Variants in EFNA5 observed in about 807,000 individuals in gnomAD.
EFNA5 encodes ephrin A5, also known as ephrin-A5.
EFNA5 carries 5 observed loss-of-function variants against 22.9 expected under a neutral mutation model. The observed-to-expected ratio is 0.22, with a 90% CI of 0.11 to 0.46. The LOEUF is 0.46. Among genes scored for constraint, EFNA5 ranks in the 20% least tolerant of loss-of-function variants. The pLI, the probability that EFNA5 is intolerant of heterozygous loss-of-function variation, is 0.99. For synonymous variants in EFNA5, 113 were observed against 112.2 expected, an observed-to-expected ratio of 1.01 and a Z score of -0.04; for missense variants, 237 against 293.3, an observed-to-expected ratio of 0.81 and a Z score of 1.40.
At chr5:107,501,851 A>C (rs26250) in intron 1 of EFNA5, among the ~76,000 whole-genome samples, 35,697 of 152,138 alleles carry the variant, frequency 0.23, 4,491 homozygotes, top group East Asian at 0.43. Context: ...AACGGCCATA[A>C]GGTCAAAATA....
chr5:107,451,152 G>C (rs1749549614), intron 1 of EFNA5, among the ~76,000 whole-genome samples: 1 of 152,204 alleles, frequency 6.6e-6, no homozygotes, highest in African/African-American at 2.4e-5. Context: ...AATCCCCTTT[G>C]ATCTCCACAG....
chr5:107,387,625 A>AT, intron 3 of EFNA5, 81 bp downstream of exon 3: 2 of 964,962 alleles, frequency 2.1e-6, no homozygotes, highest in South Asian at 1.5e-5. Flanking sequence ...AGTAAAAAAA[A>AT]GTTTTACCGC....
chr5:107,497,144 C>T (rs181900324), intron 1 of EFNA5, among the ~76,000 whole-genome samples: 39 of 152,302 alleles, frequency 2.6e-4, no homozygotes, highest in African/African-American at 8.2e-4. Context: ...AAGCATTAGT[C>T]GGCTTTGCTT....
intron 1 of EFNA5, among the ~76,000 whole-genome samples, chr5:107,479,853 C>T (rs921701264): frequency 6.6e-6 from 1 of 152,128 alleles, no homozygotes; most frequent in Non-Finnish European, 1.5e-5. Context: ...GGCTCCAGAG[C>T]TCATGGTCTT....
chr5:107,618,743 A>T (rs2112526835), intron 1 of EFNA5, among the ~76,000 whole-genome samples: 1 of 152,360 alleles, frequency 6.6e-6, no homozygotes, highest in Non-Finnish European at 1.5e-5. Context: ...ACATGTTATA[A>T]AATGCCTGAC....
intron 1 of EFNA5, among the ~76,000 whole-genome samples, chr5:107,569,537 A>G (rs1561435882): frequency 7.7e-6 from 1 of 130,608 alleles, no homozygotes; most frequent in African/African-American, 2.9e-5. Context: ...ATATTTATAT[A>G]TATATGTGTG....
intron 1 of EFNA5, among the ~76,000 whole-genome samples, chr5:107,658,186 G>A (rs1366004320): frequency 6.6e-6 from 1 of 152,186 alleles, no homozygotes; most frequent in African/African-American, 2.4e-5. Flanking sequence ...TTATGTTAAT[G>A]TAAAAAGAAC....
At chr5:107,409,792 C>A (rs1748313003) in intron 2 of EFNA5, among the ~76,000 whole-genome samples, 1 of 152,136 alleles carries the variant, frequency 6.6e-6, no homozygotes, top group Middle Eastern at 3.2e-3. Flanking sequence ...ATCACATGAA[C>A]AGAAAAGCCA....
chr5:107,390,003 G>C (rs1298857172), intron 2 of EFNA5, among the ~76,000 whole-genome samples: 2 of 152,170 alleles, frequency 1.3e-5, no homozygotes, highest in Non-Finnish European at 2.9e-5. Flanking sequence ...AATGTGATAT[G>C]TGAGTACACA....
At chr5:107,543,828 G>A (rs1198448884) in intron 1 of EFNA5, among the ~76,000 whole-genome samples, 1 of 152,194 alleles carries the variant, frequency 6.6e-6, no homozygotes, top group Non-Finnish European at 1.5e-5. Context: ...ATGATCGTGT[G>A]TATAACATTT....
intron 1 of EFNA5, among the ~76,000 whole-genome samples, chr5:107,548,134 C>T (rs1748209707): frequency 6.6e-6 from 1 of 152,158 alleles, no homozygotes; most frequent in Admixed American, 6.5e-5. Flanking sequence ...TCCAGAGAGG[C>T]AAACTAACCT....
In EFNA5 at chr5:107,556,661, G is replaced by A. The variant is rs932746730; in HGVS notation, c.125+113828C>T. On this transcript the variant is annotated intron_variant, in intron 1 of 4. Transcript: ENST00000333274. Reference sequence around the variant, plus strand: ...CTCAGGAGGCTGGCACGGGAGAATCGCTTCAACCGGGGAGGCGGGGGTTGC... The same window carrying A: ...CTCAGGAGGCTGGCACGGGAGAATCACTTCAACCGGGGAGGCGGGGGTTGC... Among the ~76,000 whole-genome samples, 15 of 152,056 alleles carry A rather than the reference G, an allele frequency of 9.9e-5. No homozygotes were observed. The East Asian group carries it at 2.5e-3, about 25-fold the overall frequency.
chr5:107,494,374 G>A (rs1292916017), intron 1 of EFNA5, among the ~76,000 whole-genome samples: 1 of 152,206 alleles, frequency 6.6e-6, no homozygotes, highest in East Asian at 1.9e-4. Context: ...GGCAGTGAGG[G>A]GCTTAGCACC....
chr5:107,380,507 C>T lies in EFNA5; in HGVS notation c.*748G>A, dbSNP rs538753513. 6 of 299,676 alleles carry T rather than the reference C, an allele frequency of 2.0e-5. No individual in the cohort carries two copies. The South Asian group carries it at 8.2e-4, about 41-fold the overall frequency. The allele number at this position is 299,676 out of a possible 1,614,324, so 18.6% of individuals were successfully genotyped here. On this transcript the variant is annotated 3_prime_UTR_variant, in exon 5 of 5. Coordinates refer to ENST00000333274, the MANE Select transcript of EFNA5 (RefSeq NM_001962.3). Reference sequence around the variant, plus strand: ...TTAGAGGCACTCACACATACACACCCCCAGCAAACCTGTAGTTTTCTCTGT... The same window carrying T: ...TTAGAGGCACTCACACATACACACCTCCAGCAAACCTGTAGTTTTCTCTGT...
At chr5:107,440,995 A>G (rs1397091335) in intron 1 of EFNA5, among the ~76,000 whole-genome samples, 1 of 151,334 alleles carries the variant, frequency 6.6e-6, no homozygotes, top group Non-Finnish European at 1.5e-5. Flanking sequence ...CCCATTTTGC[A>G]TGCTAAAAAA....
At chr5:107,665,955 C>T (rs1051214039) in intron 1 of EFNA5, among the ~76,000 whole-genome samples, 2 of 152,110 alleles carry the variant, frequency 1.3e-5, no homozygotes, top group Non-Finnish European at 2.9e-5. Flanking sequence ...TTCAGAGTAA[C>T]AAAATTACTA....
intron 1 of EFNA5, among the ~76,000 whole-genome samples, chr5:107,502,922 C>A (rs1747167590): frequency 6.6e-6 from 1 of 152,146 alleles, no homozygotes. Context: ...GAGAGGCACG[C>A]CAGTCAACAG....
intron 2 of EFNA5, among the ~76,000 whole-genome samples, chr5:107,418,729 G>A (rs547138920): frequency 1.5e-4 from 23 of 152,280 alleles, no homozygotes; most frequent in Middle Eastern, 3.4e-3. Context: ...GCTTTATACC[G>A]TGAATTTCCA....
chr5:107,589,117 G>C (rs1749258602), intron 1 of EFNA5, among the ~76,000 whole-genome samples: 1 of 152,146 alleles, frequency 6.6e-6, no homozygotes, highest in Admixed American at 6.5e-5. Flanking sequence ...TGCAAATTGG[G>C]GGCAAAGAGA....
Sources: gnomAD v4.1 joint callset for allele counts (sites outside exome capture counted in the v4.1 genomes callset) on GRCh38, gnomAD v4.1.1 for gene constraint, MANE v1.5 for transcripts, NCBI Gene and HGNC (gene_info 2026-07-23, HGNC 2026-07-21) for gene names.